CLYBL: variants seen among roughly 807,000 people sequenced by gnomAD.
CLYBL encodes the protein citramalyl-CoA lyase, also known as citramalyl-CoA lyase, mitochondrial.
In CLYBL, 31 loss-of-function variants were observed where a neutral mutation model predicts 38.9. The ratio of observed to expected loss-of-function variants is 0.80; its 90% CI spans 0.60 to 1.08. CLYBL has a LOEUF of 1.08. Ranked by LOEUF, CLYBL falls within the 50% of genes least tolerant of loss-of-function variation. The pLI, the probability that CLYBL is intolerant of heterozygous loss-of-function variation, is 0.00. For synonymous variants in CLYBL, 171 were observed against 158.6 expected, an observed-to-expected ratio of 1.08 and a Z score of -0.59; for missense variants, 434 against 411.6, an observed-to-expected ratio of 1.05 and a Z score of -0.47.
At chr13:99,655,145 G>A (rs1221568600) in intron 1 of CLYBL, among the ~76,000 whole-genome samples, 3 of 150,228 alleles carry the variant, frequency 2.0e-5, no homozygotes, top group African/African-American at 7.4e-5. Flanking sequence ...GCGTGATCTC[G>A]GCTCACTGCA....
At chr13:99,654,878 G>A (rs1298617097) in intron 1 of CLYBL, among the ~76,000 whole-genome samples, 17 of 151,806 alleles carry the variant, frequency 1.1e-4, no homozygotes, top group African/African-American at 3.4e-4. Flanking sequence ...GGTGGCGGGC[G>A]CCTGTAGTCC....
At chr13:99,891,560 G>A in intron 8 of CLYBL, 123 bp downstream of exon 8, 1 of 571,940 alleles carries the variant, frequency 1.7e-6, no homozygotes, top group South Asian at 2.4e-5. Flanking sequence ...TTTTGTTGTT[G>A]TTGTCTCACT....
intron 1 of CLYBL, among the ~76,000 whole-genome samples, chr13:99,658,846 C>T (rs965311603): frequency 6.6e-6 from 1 of 152,130 alleles, no homozygotes; most frequent in Non-Finnish European, 1.5e-5. Context: ...TTATGCAATC[C>T]TAGACTCCAT....
At chr13:99,740,237 A>G (rs958447108) in intron 1 of CLYBL, among the ~76,000 whole-genome samples, 57 of 152,206 alleles carry the variant, frequency 3.7e-4, no homozygotes, top group African/African-American at 1.3e-3. Context: ...TGTGGGAGAT[A>G]TTTATGAAAT....
rs1173283484 is a variant in CLYBL, at chr13:99,706,001, G to A, written c.63-66823G>A. 3.3e-5 allele frequency among the ~76,000 whole-genome samples: 5 copies of A among 151,038 alleles called. No homozygotes were observed. The South Asian group carries it at 6.3e-4, about 19-fold the overall frequency. Reference sequence around the variant, plus strand: ...GGCTGGAGTGCAATGGCATGATCTCGGCTCACTGCAACCTCCGCCTCCTGG... The same window carrying A: ...GGCTGGAGTGCAATGGCATGATCTCAGCTCACTGCAACCTCCGCCTCCTGG... On this transcript the variant is annotated intron_variant, in intron 1 of 8. Transcript: ENST00000339105.
At chr13:99,760,404 C>T (rs4362246) in intron 1 of CLYBL, among the ~76,000 whole-genome samples, 68,622 of 152,026 alleles carry the variant, frequency 0.45, 15,535 homozygotes, top group Admixed American at 0.48. Context: ...AGTTACTGAC[C>T]AGCATTTTTT....
At chr13:99,655,955 C>T (rs187969793) in intron 1 of CLYBL, among the ~76,000 whole-genome samples, 32 of 152,292 alleles carry the variant, frequency 2.1e-4, no homozygotes, top group African/African-American at 6.7e-4. Flanking sequence ...TAGTCTGGTT[C>T]GCAGGTGCGG....
At chr13:99,770,553 A>G (rs532726563) in intron 1 of CLYBL, among the ~76,000 whole-genome samples, 15 of 152,128 alleles carry the variant, frequency 9.9e-5, no homozygotes, top group African/African-American at 3.4e-4. Context: ...TCCTGACCTC[A>G]TGATCCGCCC....
intron 1 of CLYBL, among the ~76,000 whole-genome samples, chr13:99,732,361 GT>G (rs2048606778): frequency 1.3e-5 from 2 of 151,754 alleles, no homozygotes; most frequent in South Asian, 4.2e-4. Context: ...ACCCGGCTAA[GT>G]TTTGTATATT....
rs570538568 is a variant in CLYBL at position 99,865,614 on chromosome 13, C to T, written c.635-626C>T. 2.0e-5 allele frequency among the ~76,000 whole-genome samples: 3 copies of T among 152,320 alleles called. No homozygotes were observed. Among genetic ancestry groups the T allele is most frequent in the East Asian group, 3.9e-4 (2 of 5,188 alleles). ...ATGTAAACAGGGACACTTCCCTCCC[C>T]TCAGGGTGAAAAAACTGAATTTATT... On this transcript the variant is annotated intron_variant, in intron 5 of 8. Coordinates refer to ENST00000339105, the MANE Select transcript of CLYBL (RefSeq NM_206808.5). This position sits in a 1 kb window ranked among gnomAD's most constrained non-coding sequence, Gnocchi z 4.7.
intron 2 of CLYBL, among the ~76,000 whole-genome samples, chr13:99,831,667 C>T (rs1316623854): frequency 2.1e-4 from 31 of 150,626 alleles, no homozygotes; most frequent in African/African-American, 5.6e-4. Flanking sequence ...TTTTTTTGCC[C>T]GTGTAATAGC....
intron 1 of CLYBL, among the ~76,000 whole-genome samples, chr13:99,699,418 G>A (rs2048027670): frequency 6.6e-6 from 1 of 152,010 alleles, no homozygotes; most frequent in African/African-American, 2.4e-5. Flanking sequence ...ACGTGGCTGG[G>A]CGTGGTGGCT....
chr13:99,845,564 G>T (rs1041712881), intron 2 of CLYBL, among the ~76,000 whole-genome samples: 2 of 152,210 alleles, frequency 1.3e-5, no homozygotes, highest in African/African-American at 4.8e-5. Flanking sequence ...TGCCAGCCAC[G>T]GCATTGTTTT....
At chr13:99,767,295 C>T (rs898853654) in intron 1 of CLYBL, among the ~76,000 whole-genome samples, 1 of 152,100 alleles carries the variant, frequency 6.6e-6, no homozygotes, top group Admixed American at 6.5e-5. Context: ...GTGATAATTT[C>T]AGCACTGTAT....
chr13:99,707,836 G>A (rs535033845), intron 1 of CLYBL, among the ~76,000 whole-genome samples: 16 of 152,206 alleles, frequency 1.1e-4, no homozygotes, highest in African/African-American at 3.4e-4. Flanking sequence ...GTTTCATTAG[G>A]GTTGAGGCAA....
intron 2 of CLYBL, among the ~76,000 whole-genome samples, chr13:99,804,926 C>T (rs191049802): frequency 6.6e-6 from 1 of 152,284 alleles, no homozygotes; most frequent in East Asian, 1.9e-4. Flanking sequence ...CCCCATTTCC[C>T]CCTCCCGTCC....
intron 1 of CLYBL, among the ~76,000 whole-genome samples, chr13:99,771,149 A>C (rs2049386389): frequency 6.8e-6 from 1 of 147,284 alleles, no homozygotes; most frequent in South Asian, 2.2e-4. Context: ...CAATCCTCCC[A>C]CCTCAGCCTC....
rs549689291 is a variant in CLYBL, at chr13:99,869,303, G to A, written c.803-1635G>A. On this transcript the variant is annotated intron_variant, in intron 6 of 8. Transcript: ENST00000339105. The surrounding 1 kb of genome is among the most constrained non-coding windows in gnomAD (Gnocchi z 4.3). ...TACCAAGAAGTTCCCATGAAATCTGGCTTTTTACGCATTGGTGTAAATTAT... is the reference window on the plus strand; with the variant it reads ...TACCAAGAAGTTCCCATGAAATCTGACTTTTTACGCATTGGTGTAAATTAT... Among the ~76,000 whole-genome samples the A allele has an allele frequency of 1.2e-4, 18 of 152,218 alleles. No homozygotes were observed. Among genetic ancestry groups the A allele is most frequent in the African/African-American group, 3.9e-4 (16 of 41,550 alleles).
At chr13:99,846,002 T>C (rs2051195799) in intron 2 of CLYBL, among the ~76,000 whole-genome samples, 1 of 151,664 alleles carries the variant, frequency 6.6e-6, no homozygotes, top group Non-Finnish European at 1.5e-5. Context: ...TTTTCAGTTA[T>C]AGTTTTCTTT....
Sources: gnomAD v4.1 joint callset for allele counts (sites outside exome capture counted in the v4.1 genomes callset) on GRCh38, gnomAD v4.1.1 for gene constraint, Gnocchi (gnomAD v3.1) non-coding constraint, MANE v1.5 for transcripts, NCBI Gene and HGNC (gene_info 2026-07-23, HGNC 2026-07-21) for gene names.